The following ZNF839 variants were observed in gnomAD, a reference collection of about 807,000 sequenced individuals.
The protein encoded by ZNF839 is renal carcinoma antigen NY-REN-50.
In ZNF839, 38 loss-of-function variants were observed where a neutral mutation model predicts 56.4. The observed-to-expected ratio is 0.67, with a 90% confidence interval of 0.52 to 0.88. ZNF839 has a LOEUF of 0.88. Ranked by LOEUF, ZNF839 falls within the 40% of genes least tolerant of loss-of-function variation. The pLI is 0.00. For synonymous variants in ZNF839, 486 were observed against 493.5 expected, an observed-to-expected ratio of 0.98 and a Z score of 0.20; for missense variants, 1,091 against 1,177.6, an observed-to-expected ratio of 0.93 and a Z score of 1.08.
chr14:102,319,918 G>A lies in ZNF839; in HGVS notation c.153G>A (p.Ala51=), dbSNP rs1283083668. The A allele has an allele frequency of 2.6e-6, 3 of 1,172,412 alleles. No homozygotes were observed. The highest frequency in any genetic ancestry group is 4.8e-5 in the East Asian group (1 of 20,820). 72.6% of individuals were successfully genotyped at this position (1,172,412 alleles called of 1,614,324 possible). Residue 51 remains alanine (A), a synonymous_variant, in exon 1 of 8, where the codon GCG becomes GCA. Transcript: ENST00000442396. This position sits in a 1 kb window ranked among gnomAD's most constrained non-coding sequence, Gnocchi z 4.5. ...AGGTCCTGGAGCAGGTGACGAAGGC[G>A]CAGCCGCCGCCGCCGCCGCCCCCCT... The part of the protein sequence containing the change: ...LRQVLEQVTK[A]QPPPPPPPFV...
intron 2 of ZNF839, among the ~76,000 whole-genome samples, chr14:102,329,354 G>A (rs2073650976): frequency 6.6e-6 from 1 of 152,022 alleles, no homozygotes; most frequent in Non-Finnish European, 1.5e-5. Flanking sequence ...ATTGTTCATT[G>A]CTAGTGTTTA....
rs1339203512 is a variant in ZNF839, at chr14:102,342,308, T to C, written c.*129T>C. Reference sequence around the variant, plus strand: ...AGGTCTATGGCAAGCAATGTATATTTTTCTAATGTGAATATTGCACAGATG... The same window carrying C: ...AGGTCTATGGCAAGCAATGTATATTCTTCTAATGTGAATATTGCACAGATG... On this transcript the variant is annotated 3_prime_UTR_variant, in exon 8 of 8. Coordinates refer to ENST00000442396, the MANE Select transcript of ZNF839 (RefSeq NM_018335.6). The C allele has an allele frequency of 7.4e-6, 9 of 1,212,232 alleles. No individual in the cohort carries two copies. Among genetic ancestry groups the C allele is most frequent in the East Asian group, 4.7e-5 (2 of 42,582 alleles). 75.1% of individuals were successfully genotyped at this position (1,212,232 alleles called of 1,614,324 possible). A position where few individuals can be genotyped will look rare whatever the true frequency, so the allele number is the denominator to read the frequency against.
At chr14:102,324,682 C>CA (rs1567284049) in intron 1 of ZNF839, among the ~76,000 whole-genome samples, 1 of 151,816 alleles carries the variant, frequency 6.6e-6, no homozygotes, top group Admixed American at 6.6e-5. Flanking sequence ...GACTCCATCT[C>CA]AAAAAAACAA....
In ZNF839 at chr14:102,338,888, C is replaced by G; in HGVS notation, c.1732C>G (p.His578Asp). The change falls in exon 6 of 8, where the codon CAC (histidine) becomes GAC (aspartate). Residue 578 changes from histidine to aspartate, a missense_variant. This residue lies in a region of ZNF839 where 431 missense variants were observed against 468.0 expected (regional missense o/e 0.92). Coordinates refer to ENST00000442396, the MANE Select transcript of ZNF839 (RefSeq NM_018335.6). The stretch of plus-strand genomic sequence containing the variant: ...ACACCCAGACAACCTTGGACCCAAG[C>G]ACCTCAGCCGAGACATGGATGGGGA... ...EIHPDNLGPK[H>D]LSRDMDGEQL... is the part of the protein sequence containing the mutation. 1 of 1,613,972 alleles carries G rather than the reference C, an allele frequency of 6.2e-7. No homozygotes were observed. The highest frequency in any genetic ancestry group is 1.7e-5 in the Admixed American group (1 of 59,998).
Position 102,334,625 on chromosome 14 carries a change from G to T in ZNF839, c.1488G>T (p.Val496=), listed in dbSNP as rs1300711484. Residue 496 remains valine (V), a synonymous_variant, in exon 4 of 8, where the codon GTG becomes GTT. Coordinates refer to ENST00000442396, the MANE Select transcript of ZNF839 (RefSeq NM_018335.6). Reference sequence around the variant, plus strand: ...CTCAGCTGGCTCAGGTTGTGACCGTGTATGAGTTTCTTCTGATGAAGGTGA... The same window carrying T: ...CTCAGCTGGCTCAGGTTGTGACCGTTTATGAGTTTCTTCTGATGAAGGTGA... The part of the protein sequence containing the change: ...ALPQLAQVVT[V]YEFLLMKVEK... The T allele has an allele frequency of 6.2e-7, 1 of 1,612,608 alleles. No individual in the cohort carries two copies. The highest frequency in any genetic ancestry group is 8.5e-7 in the Non-Finnish European group (1 of 1,179,214).
rs760597590 is a variant in ZNF839 at position 102,341,411 on chromosome 14, C to G, written c.2016C>G (p.Phe672Leu). 1 of 1,581,482 alleles carries G rather than the reference C, an allele frequency of 6.3e-7. No homozygotes were observed. The highest frequency in any genetic ancestry group is 1.1e-5 in the South Asian group (1 of 87,222). Residue 672 changes from phenylalanine (F) to leucine (L), a missense_variant, in exon 8 of 8, where the codon TTC (phenylalanine) becomes TTG (leucine). Around this residue, in one of 3 missense-constraint regions of ZNF839, gnomAD observed 431 missense variants for 468.0 expected, o/e 0.92. Transcript: ENST00000442396. ...TTVSGGNGSV[F>L]QAGPQLQALA... ...TTTCTGGTGGCAATGGGAGCGTGTT[C>G]CAGGCGGGCCCGCAGCTTCAGGCAC...
chr14:102,329,444 G>T (rs994128781), intron 2 of ZNF839, among the ~76,000 whole-genome samples: 1 of 151,960 alleles, frequency 6.6e-6, no homozygotes, highest in African/African-American at 2.4e-5. Flanking sequence ...GAGTGCAGTG[G>T]TGTGATCTCA....
Position 102,319,802 on chromosome 14 carries a change from G to A in ZNF839, c.37G>A (p.Glu13Lys), listed in dbSNP as rs1255212455. Residue 13 changes from glutamate (E) to lysine (K), a missense_variant, in exon 1 of 8, where the codon GAG (glutamate) becomes AAG (lysine). Glu to Lys is a moderately conservative substitution (Grantham distance 56, BLOSUM62 1). This residue lies in a region of ZNF839 where 614 missense variants were observed against 629.2 expected (regional missense o/e 0.98). Coordinates refer to ENST00000442396, the MANE Select transcript of ZNF839 (RefSeq NM_018335.6). The surrounding 1 kb of genome is among the most constrained non-coding windows in gnomAD (Gnocchi z 4.5). ...GGAGCCGGAGGCTGGGGGCGGCAGCGAGGATGGCGGCGGCGGCGGCGGCCC... is the reference window on the plus strand; with the variant it reads ...GGAGCCGGAGGCTGGGGGCGGCAGCAAGGATGGCGGCGGCGGCGGCGGCCC... ...DAEPEAGGGS[E>K]DGGGGGGPAP... The A allele has an allele frequency of 2.4e-6, 3 of 1,232,068 alleles. No individual in the cohort carries two copies. Among genetic ancestry groups the A allele is most frequent in the African/African-American group, 1.6e-5 (1 of 64,194 alleles). The allele number at this position is 1,232,068 out of a possible 1,614,324, so 76.3% of individuals were successfully genotyped here. A position where few individuals can be genotyped will look rare whatever the true frequency, so the allele number is the denominator to read the frequency against.
rs140815478 is a variant in ZNF839 at position 102,331,326 on chromosome 14, G to A, written c.1192-296G>A. Reference sequence around the variant, plus strand: ...TGCAGTGGCACCATCTTGGCTCACTGCAACCTCTGCCTCCCAGGTTCAGGT... The same window carrying A: ...TGCAGTGGCACCATCTTGGCTCACTACAACCTCTGCCTCCCAGGTTCAGGT... On this transcript the variant is annotated intron_variant, in intron 2 of 7. Coordinates refer to ENST00000442396, the MANE Select transcript of ZNF839 (RefSeq NM_018335.6). Among the ~76,000 whole-genome samples the A allele has an allele frequency of 2.7e-4, 41 of 152,202 alleles. No individual in the cohort carries two copies. In the East Asian group the frequency reaches 7.5e-3, roughly 28 times the overall value.
In ZNF839 at chr14:102,342,076, C is replaced by A; in HGVS notation, c.2681C>A (p.Ser894Tyr). The A allele has an allele frequency of 6.2e-7, 1 of 1,614,016 alleles. No individual in the cohort carries two copies. Among genetic ancestry groups the A allele is most frequent in the South Asian group, 1.1e-5 (1 of 91,078 alleles). The change falls in exon 8 of 8, where the codon TCC becomes TAC. Residue 894 changes from serine to tyrosine, a missense_variant. By Grantham distance (144) the Ser-to-Tyr change is moderately radical. Transcript: ENST00000442396. ...CAGAAGCAGATTTTTATTCAGACTT[C>A]CGATGGGCTTATCTTGTCCCCTCCA... ...QGQKQIFIQTSDGLILSPPGT... is the reference protein window; with the variant it reads ...QGQKQIFIQTYDGLILSPPGT...
At chr14:102,335,890 AAAG>A (rs2073992756) in intron 5 of ZNF839, 52 bp downstream of exon 5, 2 of 1,593,758 alleles carry the variant, frequency 1.3e-6, no homozygotes, top group East Asian at 4.5e-5. Context: ...TAGCCAGAAG[AAAG>A]AAGGGCCACG....
chr14:102,326,113 C>T lies in ZNF839; in HGVS notation c.417C>T (p.Cys139=). 1 of 1,613,958 alleles carries T rather than the reference C, an allele frequency of 6.2e-7. No homozygotes were observed. The stretch of plus-strand genomic sequence containing the variant: ...GCCAGCTGCCCCGGGGGAATTCCTG[C>T]CTGGTGGGGCTCCATATCGCCAGCC... The part of the protein sequence containing the change: ...RKSQLPRGNS[C]LVGLHIASPQ... The change falls in exon 2 of 8, where the codon TGC becomes TGT. Residue 139 remains cysteine, a synonymous_variant. Coordinates refer to ENST00000442396, the MANE Select transcript of ZNF839 (RefSeq NM_018335.6). The surrounding 1 kb of genome is among the most constrained non-coding windows in gnomAD (Gnocchi z 4.3).
At position 102,332,410 on chromosome 14, in the gene ZNF839, G is replaced by A. The variant is rs1457901892; in HGVS notation, c.1416+564G>A. ...GGCTTCCCAAAGTGTTGGGATTACAGGCATGAGCCACCATGCCCGGCCTTC... is the reference window on the plus strand; with the variant it reads ...GGCTTCCCAAAGTGTTGGGATTACAAGCATGAGCCACCATGCCCGGCCTTC... On this transcript the variant is annotated intron_variant, in intron 3 of 7. Transcript: ENST00000442396. The surrounding 1 kb of genome is among the most constrained non-coding windows in gnomAD (Gnocchi z 4.9). 6.6e-6 allele frequency among the ~76,000 whole-genome samples: 1 copy of A among 152,020 alleles called. No individual in the cohort carries two copies. Among genetic ancestry groups the A allele is most frequent in the East Asian group, 2.0e-4 (1 of 5,128 alleles).
intron 7 of ZNF839, among the ~76,000 whole-genome samples, chr14:102,340,768 A>C (rs1886420647): frequency 6.6e-6 from 1 of 152,114 alleles, no homozygotes; most frequent in East Asian, 1.9e-4. Flanking sequence ...TCATTCATTC[A>C]GTATTGGCAT....
intron 5 of ZNF839, chr14:102,336,599 GTT>G: frequency 1.3e-5 from 5 of 383,988 alleles, no homozygotes; most frequent in Admixed American, 6.3e-5. Flanking sequence ...CCGGTCCCCA[GTT>G]TTTTTTTTCT....
intron 7 of ZNF839, among the ~76,000 whole-genome samples, chr14:102,339,979 A>AT (rs200930939): frequency 0.01 from 1,569 of 150,112 alleles, 29 homozygotes; most frequent in African/African-American, 0.036. Flanking sequence ...ATATATATAA[A>AT]TTTTTTTTTT....
At chr14:102,327,540 C>T (rs774851549) in intron 2 of ZNF839, among the ~76,000 whole-genome samples, 2 of 152,190 alleles carry the variant, frequency 1.3e-5, no homozygotes, top group Non-Finnish European at 2.9e-5. Flanking sequence ...AGTCACCTCC[C>T]ACCAGGTCCC....
At position 102,341,487 on chromosome 14, in the gene ZNF839, C is replaced by T. The variant is rs35472059; in HGVS notation, c.2092C>T (p.Arg698Trp). 185 of 1,597,568 alleles carry T rather than the reference C, an allele frequency of 1.2e-4. No individual in the cohort carries two copies. In the African/African-American group the frequency reaches 2.2e-3, roughly 19 times the overall value. The stretch of plus-strand genomic sequence containing the variant: ...GTCTATAGGTGCTGCTCTCTCATCC[C>T]GGGATGTCAGTGGGCTGCCTGTTTA... ...RGSIGAALSS[R>W]DVSGLPVYAQ... The change falls in exon 8 of 8, where the codon CGG (arginine) becomes TGG (tryptophan). Residue 698 changes from arginine to tryptophan, a missense_variant. By Grantham distance (101) the Arg-to-Trp change is moderately radical. This residue lies in a region of ZNF839 where 431 missense variants were observed against 468.0 expected (regional missense o/e 0.92). Transcript: ENST00000442396.
intron 3 of ZNF839, among the ~76,000 whole-genome samples, chr14:102,334,077 C>T (rs2073911501): frequency 6.6e-6 from 1 of 152,244 alleles, no homozygotes; most frequent in Non-Finnish European, 1.5e-5. Flanking sequence ...CAGCCCTGCC[C>T]CATCCTCTGC....
Sources: gnomAD v4.1 joint callset for allele counts (sites outside exome capture counted in the v4.1 genomes callset) on GRCh38, gnomAD v4.1.1 for gene constraint, gnomAD v4.1.1 regional missense constraint, Gnocchi (gnomAD v3.1) non-coding constraint, MANE v1.5 for transcripts, NCBI Gene and HGNC (gene_info 2026-07-23, HGNC 2026-07-21) for gene names.